CPQ: variants seen among roughly 807,000 people sequenced by gnomAD.
CPQ encodes the protein Ser-Met dipeptidase.
In CPQ, 37 loss-of-function variants were observed where a neutral mutation model predicts 45.7. That is an observed-to-expected ratio of 0.81 (90% CI 0.62 to 1.07). The LOEUF (loss-of-function observed/expected upper bound fraction) is 1.07. CPQ is among the 50% of genes least tolerant of loss of function. CPQ has a pLI of 0.00. For missense variants in CPQ, 537 were observed against 572.9 expected (o/e 0.94, Z 0.64); for synonymous variants, 186 against 205.8 (o/e 0.90, Z 0.82).
At chr8:96,908,098 C>T (rs1272733839) in intron 4 of CPQ, among the ~76,000 whole-genome samples, 1 of 139,434 alleles carries the variant, frequency 7.2e-6, no homozygotes, top group Non-Finnish European at 1.5e-5. Flanking sequence ...GATTTCTCCC[C>T]CACTGCAACG....
At position 96,779,603 on chromosome 8, in the gene CPQ, A is replaced by G. The variant is rs186196229; in HGVS notation, c.-34-5261A>G. 2.4e-3 allele frequency among the ~76,000 whole-genome samples: 373 copies of G among 152,308 alleles called. 3 individuals carry two copies. Among genetic ancestry groups the G allele is most frequent in the Non-Finnish European group, 4.4e-3 (297 of 68,016 alleles). On this transcript the variant is annotated intron_variant, in intron 1 of 7. Coordinates refer to ENST00000220763, the MANE Select transcript of CPQ (RefSeq NM_016134.4). ...ACTAGGGATCACTAAGCTCTCTTTT[A>G]TCTCTACAATGGTGTCATTATATGA...
At chr8:96,707,794 G>A (rs1809553492) in intron 1 of CPQ, among the ~76,000 whole-genome samples, 1 of 152,036 alleles carries the variant, frequency 6.6e-6, no homozygotes, top group Admixed American at 6.6e-5. Flanking sequence ...AGTGCCAGTA[G>A]AGCTGCATTC....
chr8:96,748,006 A>G (rs1014985565), intron 1 of CPQ, among the ~76,000 whole-genome samples: 1 of 152,216 alleles, frequency 6.6e-6, no homozygotes, highest in Non-Finnish European at 1.5e-5. Flanking sequence ...CTATTCTTTA[A>G]TGTCAGAGCC....
chr8:97,134,355 A>G (rs1345092100), intron 7 of CPQ, among the ~76,000 whole-genome samples: 1 of 152,368 alleles, frequency 6.6e-6, no homozygotes, highest in East Asian at 1.9e-4. Flanking sequence ...AAAAAGAAGC[A>G]GCAGCATGAA....
chr8:96,874,093 A>C (rs1165857515), intron 3 of CPQ, among the ~76,000 whole-genome samples: 1 of 151,860 alleles, frequency 6.6e-6, no homozygotes, highest in Non-Finnish European at 1.5e-5. Context: ...ATTTGATGAA[A>C]TTTGAAAAAC....
intron 1 of CPQ, among the ~76,000 whole-genome samples, chr8:96,664,296 G>C (rs1044481344): frequency 6.6e-6 from 1 of 152,182 alleles, no homozygotes; most frequent in East Asian, 1.9e-4. Flanking sequence ...CAGGAGCTCA[G>C]AATGACTCTA....
chr8:96,769,775 A>G (rs1810516542), intron 1 of CPQ, among the ~76,000 whole-genome samples: 1 of 151,574 alleles, frequency 6.6e-6, no homozygotes, highest in African/African-American at 2.4e-5. Context: ...GGGACTACAG[A>G]CACGTGCCAC....
intron 5 of CPQ, among the ~76,000 whole-genome samples, chr8:97,006,995 T>C (rs1303109849): frequency 6.6e-6 from 1 of 152,172 alleles, no homozygotes; most frequent in African/African-American, 2.4e-5. Flanking sequence ...CAGGAAAGCA[T>C]GAAGAATGCT....
intron 1 of CPQ, among the ~76,000 whole-genome samples, chr8:96,661,584 T>G (rs1815702507): frequency 1.3e-5 from 2 of 152,214 alleles, no homozygotes; most frequent in African/African-American, 2.4e-5. Context: ...TAATATGCAT[T>G]TACTTCTCCT....
chr8:96,936,975 TTCCTCCCTCTC>T (rs977441070), intron 4 of CPQ, among the ~76,000 whole-genome samples: 10 of 152,142 alleles, frequency 6.6e-5, no homozygotes, highest in African/African-American at 2.2e-4. Context: ...CCTTCCTTCC[TTCCTCCCTCTC>T]TCCTCCCTCT....
rs1810412079 is a variant in CPQ at position 96,762,061 on chromosome 8, A to G, written c.-34-22803A>G. 2.0e-5 allele frequency among the ~76,000 whole-genome samples: 3 copies of G among 152,242 alleles called. No individual in the cohort carries two copies. The South Asian group carries it at 6.2e-4, about 32-fold the overall frequency. On this transcript the variant is annotated intron_variant, in intron 1 of 7. Transcript: ENST00000220763. ...ATATTTGCTCAATAGCTATGCTATT[A>G]TACCATCACGTGCTGCTGTGGCTTT...
At chr8:96,991,490 A>G (rs1448878722) in intron 5 of CPQ, among the ~76,000 whole-genome samples, 1 of 151,786 alleles carries the variant, frequency 6.6e-6, no homozygotes, top group South Asian at 2.1e-4. Context: ...TGGGAGGCAG[A>G]GCTTGCAGTG....
intron 3 of CPQ, among the ~76,000 whole-genome samples, chr8:96,848,973 CA>C (rs1439822562): frequency 5.3e-5 from 8 of 152,130 alleles, no homozygotes; most frequent in African/African-American, 1.9e-4. Flanking sequence ...CCCAAATACC[CA>C]AAGTATGTCT....
intron 6 of CPQ, among the ~76,000 whole-genome samples, chr8:97,041,980 C>G (rs910065590): frequency 4.6e-5 from 7 of 152,260 alleles, no homozygotes; most frequent in Admixed American, 1.3e-4. Flanking sequence ...GCTTTGGTAT[C>G]AGGATGATGC....
intron 1 of CPQ, among the ~76,000 whole-genome samples, chr8:96,765,791 G>GC (rs747159896): frequency 3.8e-4 from 58 of 152,102 alleles, no homozygotes; most frequent in Non-Finnish European, 6.2e-4. Flanking sequence ...CTTAATTCTG[G>GC]CCCCCCCATT....
intron 7 of CPQ, among the ~76,000 whole-genome samples, chr8:97,126,230 C>T (rs1811845552): frequency 6.6e-6 from 1 of 152,164 alleles, no homozygotes; most frequent in African/African-American, 2.4e-5. Context: ...GTCTTCTGCA[C>T]TTGTACCCAC....
At chr8:96,775,678 T>C (rs1442762613) in intron 1 of CPQ, among the ~76,000 whole-genome samples, 1 of 152,242 alleles carries the variant, frequency 6.6e-6, no homozygotes. Flanking sequence ...TAGAGTTACA[T>C]TCAAGGCCAA....
chr8:97,088,486 C>T (rs1027868667), intron 7 of CPQ, among the ~76,000 whole-genome samples: 14 of 152,146 alleles, frequency 9.2e-5, no homozygotes, highest in South Asian at 2.1e-4. Context: ...TTATAGACTG[C>T]GCAACCTAGA....
intron 1 of CPQ, among the ~76,000 whole-genome samples, chr8:96,768,447 A>G (rs1810497084): frequency 6.6e-6 from 1 of 152,178 alleles, no homozygotes; most frequent in Admixed American, 6.5e-5. Flanking sequence ...GGGAGAGCAC[A>G]CACTGTTGCA....
Sources: gnomAD v4.1 joint callset for allele counts (sites outside exome capture counted in the v4.1 genomes callset) on GRCh38, gnomAD v4.1.1 for gene constraint, MANE v1.5 for transcripts, NCBI Gene and HGNC (gene_info 2026-07-23, HGNC 2026-07-21) for gene names.